The following NTN4 variants were observed in gnomAD, a reference collection of about 807,000 sequenced individuals.
The protein encoded by NTN4 is netrin 4, also known as netrin-4.
A neutral mutation model predicts 73.6 loss-of-function variants in NTN4; 32 were observed. The ratio of observed to expected loss-of-function variants is 0.44; its 90% CI spans 0.33 to 0.58. NTN4 has a LOEUF of 0.58. NTN4 is among the 20% of genes least tolerant of loss of function. The pLI is 0.04. For synonymous variants in NTN4, 258 were observed against 287.5 expected, an observed-to-expected ratio of 0.90 and a Z score of 1.04; for missense variants, 654 against 798.3, an observed-to-expected ratio of 0.82 and a Z score of 2.18.
chr12:95,702,626 GTCA>G (rs1348151359), intron 5 of NTN4, among the ~76,000 whole-genome samples: 1 of 152,068 alleles, frequency 6.6e-6, no homozygotes, highest in Admixed American at 6.6e-5. Context: ...CTATGATATT[GTCA>G]TCATCATCAC....
intron 1 of NTN4, among the ~76,000 whole-genome samples, chr12:95,788,632 C>G (rs1160367826): frequency 6.6e-6 from 1 of 152,176 alleles, no homozygotes; most frequent in Non-Finnish European, 1.5e-5. Context: ...TTGGAGGAGG[C>G]CAAATGACAG....
intron 5 of NTN4, 111 bp from the exon 6 acceptor site, chr12:95,683,822 AG>A (rs1416045638): frequency 1.1e-5 from 8 of 715,014 alleles, no homozygotes; most frequent in Non-Finnish European, 1.7e-5. Context: ...CATATTTCTG[AG>A]ACTCCTTCTT....
At chr12:95,715,402 G>T (rs1322753764) in intron 3 of NTN4, among the ~76,000 whole-genome samples, 1 of 151,878 alleles carries the variant, frequency 6.6e-6, no homozygotes, top group East Asian at 1.9e-4. Context: ...AAAAATTTTT[G>T]TTAATTTTCT....
intron 1 of NTN4, among the ~76,000 whole-genome samples, chr12:95,787,675 T>G (rs11108263): frequency 2.0e-5 from 3 of 151,814 alleles, no homozygotes; most frequent in Admixed American, 6.6e-5. Context: ...CGTGTGTGTG[T>G]GCGTGTGTGT....
intron 2 of NTN4, among the ~76,000 whole-genome samples, chr12:95,751,787 A>C (rs2078909945): frequency 7.2e-6 from 1 of 138,076 alleles, no homozygotes; most frequent in Non-Finnish European, 1.6e-5. Flanking sequence ...CTTCTTTTCA[A>C]GGGCCTGTTT....
chr12:95,790,326 G>A lies in NTN4; in HGVS notation c.-17C>T, dbSNP rs1013681056. 1.1e-5 allele frequency: 16 copies of A among 1,523,470 alleles called. No individual in the cohort carries two copies. Among genetic ancestry groups the A allele is most frequent in the Non-Finnish European group, 1.2e-5 (14 of 1,136,178 alleles). The allele number at this position is 1,523,470 out of a possible 1,614,324, so 94.4% of individuals were successfully genotyped here. On this transcript the variant is annotated 5_prime_UTR_variant, in exon 1 of 10. Transcript: ENST00000343702. The surrounding 1 kb of genome is among the most constrained non-coding windows in gnomAD (Gnocchi z 6.5). ...GCTCCCCATGGCCGGGAGGAGCCGG[G>A]AGCAGCCGGGCCGGGCGGGTGCCGG...
chr12:95,701,773 C>T (rs1185522704), intron 5 of NTN4, among the ~76,000 whole-genome samples: 2 of 152,148 alleles, frequency 1.3e-5, no homozygotes, highest in East Asian at 1.9e-4. Context: ...CTAGAACATT[C>T]GTGGAACCAG....
intron 2 of NTN4, among the ~76,000 whole-genome samples, chr12:95,742,457 T>A (rs1181028124): frequency 6.6e-6 from 1 of 150,808 alleles, no homozygotes; most frequent in Non-Finnish European, 1.5e-5. Flanking sequence ...GAATAAGGAA[T>A]AAATATTAGG....
intron 7 of NTN4, among the ~76,000 whole-genome samples, chr12:95,679,832 G>A (rs933076778): frequency 6.6e-5 from 10 of 151,998 alleles, no homozygotes; most frequent in African/African-American, 2.2e-4. Context: ...CTGCAGCCTC[G>A]TTATATTTCC....
intron 2 of NTN4, among the ~76,000 whole-genome samples, chr12:95,751,488 C>G (rs957317071): frequency 6.6e-6 from 1 of 151,754 alleles, no homozygotes; most frequent in Non-Finnish European, 1.5e-5. Context: ...AAGGAATGCC[C>G]GCAGCCCGGG....
intron 2 of NTN4, among the ~76,000 whole-genome samples, chr12:95,757,591 C>T (rs12817330): frequency 0.22 from 32,415 of 149,180 alleles, 4,112 homozygotes; most frequent in Non-Finnish European, 0.29. Flanking sequence ...GTGTGAGAGG[C>T]AAAGAAATGA....
intron 8 of NTN4, among the ~76,000 whole-genome samples, chr12:95,668,766 G>A (rs1191563933): frequency 6.6e-6 from 1 of 152,114 alleles, no homozygotes; most frequent in Non-Finnish European, 1.5e-5. Context: ...GAGGCAGGCA[G>A]ATCATTTGAG....
At chr12:95,694,319 GGCGGCCACTCCCTCCGC>G (rs11270537) in intron 5 of NTN4, among the ~76,000 whole-genome samples, 12 of 151,658 alleles carry the variant, frequency 7.9e-5, no homozygotes, top group Admixed American at 6.6e-5. Context: ...CCAAGACCCC[GGCGGCCACTCCCTCCGC>G]GCGGCCACTC....
rs1445122362 is a variant in NTN4, at chr12:95,790,319, G to A, written c.-10C>T. On this transcript the variant is annotated 5_prime_UTR_variant, in exon 1 of 10. Transcript: ENST00000343702. The surrounding 1 kb of genome is among the most constrained non-coding windows in gnomAD (Gnocchi z 6.5). ...GCGCGCAGCTCCCCATGGCCGGGAG[G>A]AGCCGGGAGCAGCCGGGCCGGGCGG... 6.5e-7 allele frequency: 1 copy of A among 1,526,908 alleles called. No homozygotes were observed. Among genetic ancestry groups the A allele is most frequent in the Non-Finnish European group, 8.8e-7 (1 of 1,137,988 alleles). The allele number at this position is 1,526,908 out of a possible 1,614,324, so 94.6% of individuals were successfully genotyped here.
intron 2 of NTN4, among the ~76,000 whole-genome samples, chr12:95,738,760 G>A (rs1001828328): frequency 4.6e-5 from 7 of 152,124 alleles, no homozygotes; most frequent in African/African-American, 1.7e-4. Flanking sequence ...GGAAAGAATC[G>A]ACTGTGTCAC....
chr12:95,777,604 G>T (rs1308495258), intron 2 of NTN4, among the ~76,000 whole-genome samples: 1 of 152,148 alleles, frequency 6.6e-6, no homozygotes. Flanking sequence ...TCAACAAGAA[G>T]AGCTAACTAT....
intron 7 of NTN4, among the ~76,000 whole-genome samples, chr12:95,672,072 G>A (rs938906090): frequency 8.4e-5 from 11 of 131,608 alleles, no homozygotes; most frequent in African/African-American, 2.9e-4. Flanking sequence ...TGTAATCCCA[G>A]CACTTTGGGA....
chr12:95,742,203 A>G (rs978618252), intron 2 of NTN4, among the ~76,000 whole-genome samples: 9 of 152,100 alleles, frequency 5.9e-5, no homozygotes, highest in African/African-American at 2.2e-4. Context: ...CAATAAGAAG[A>G]TGGAAAATTA....
intron 5 of NTN4, among the ~76,000 whole-genome samples, chr12:95,689,311 A>C (rs1272807760): frequency 3.3e-5 from 5 of 152,220 alleles, no homozygotes; most frequent in African/African-American, 7.2e-5. Flanking sequence ...CAAACATGTA[A>C]GGTCCTTCAT....
Sources: allele counts gnomAD v4.1 joint callset (sites outside exome capture counted in the v4.1 genomes callset), GRCh38; gene constraint gnomAD v4.1.1; non-coding constraint Gnocchi (gnomAD v3.1); transcripts MANE v1.5; gene names NCBI Gene and HGNC (gene_info 2026-07-23, HGNC 2026-07-21).